LIPH: variants seen among roughly 807,000 people sequenced by gnomAD.
LIPH encodes the protein lipase member H.
LIPH carries 32 observed loss-of-function variants against 47.6 expected under a neutral mutation model. The observed-to-expected ratio is 0.67, with a 90% CI of 0.51 to 0.90. The LOEUF (loss-of-function observed/expected upper bound fraction) is 0.90. Ranked by LOEUF, LIPH falls within the 40% of genes least tolerant of loss-of-function variation. The probability of loss-of-function intolerance (pLI) is 0.00; values close to 1 mark genes in which losing one functional copy is unlikely to be tolerated. For missense variants in LIPH, 497 were observed against 541.4 expected (o/e 0.92, Z 0.81); for synonymous variants, 190 against 195.6 (o/e 0.97, Z 0.24).
At chr3:185,532,987 T>G (rs1336438340) in intron 3 of LIPH, among the ~76,000 whole-genome samples, 1 of 151,994 alleles carries the variant, frequency 6.6e-6, no homozygotes, top group African/African-American at 2.4e-5. Flanking sequence ...AAAGGAGAAA[T>G]GGGAGAGGCT....
intron 8 of LIPH, 111 bp downstream of exon 8, chr3:185,514,298 TA>T: frequency 4.2e-6 from 3 of 711,544 alleles, no homozygotes; most frequent in Non-Finnish European, 7.7e-6. Flanking sequence ...ATATCTTTTA[TA>T]GAACAAGGAA....
intron 9 of LIPH, among the ~76,000 whole-genome samples, chr3:185,511,082 G>A (rs1428739941): frequency 6.6e-6 from 1 of 151,578 alleles, no homozygotes; most frequent in Non-Finnish European, 1.5e-5. Context: ...TTTTTATTTT[G>A]AGATAGAATC....
At chr3:185,536,930 G>T (rs1457785984) in intron 1 of LIPH, among the ~76,000 whole-genome samples, 1 of 152,142 alleles carries the variant, frequency 6.6e-6, no homozygotes, top group Non-Finnish European at 1.5e-5. Context: ...TGTTGCCCAG[G>T]CTGGAGTGCA....
rs1236878436 is a variant in LIPH at position 185,538,915 on chromosome 3, A to T, written c.50-3783T>A. Among the ~76,000 whole-genome samples the T allele has an allele frequency of 3.4e-5, 5 of 146,582 alleles. No individual in the cohort carries two copies. In the East Asian group the frequency reaches 9.8e-4, roughly 29 times the overall value. On this transcript the variant is annotated intron_variant, in intron 1 of 9. Coordinates refer to ENST00000296252, the MANE Select transcript of LIPH (RefSeq NM_139248.3). ...TACGTATATACACATATACACATAT[A>T]TACACATATACACATATATACATAT...
At chr3:185,520,771 T>C (rs917177196) in intron 5 of LIPH, among the ~76,000 whole-genome samples, 5 of 152,016 alleles carry the variant, frequency 3.3e-5, no homozygotes, top group African/African-American at 4.8e-5. Flanking sequence ...ATCAAAATTC[T>C]CCCATTCTTA....
chr3:185,544,380 T>C (rs989588026), intron 1 of LIPH, among the ~76,000 whole-genome samples: 2 of 151,504 alleles, frequency 1.3e-5, no homozygotes, highest in African/African-American at 4.9e-5. Flanking sequence ...TGAGATGGAG[T>C]TTCGCTCTTG....
In LIPH at chr3:185,547,698, C is replaced by G. The variant is rs527665088; in HGVS notation, c.49+4725G>C. Among the ~76,000 whole-genome samples the G allele has an allele frequency of 5.1e-4, 77 of 152,046 alleles. 2 individuals are homozygous for G. The South Asian group carries it at 0.011, about 22-fold the overall frequency. On this transcript the variant is annotated intron_variant, in intron 1 of 9. Coordinates refer to ENST00000296252, the MANE Select transcript of LIPH (RefSeq NM_139248.3). Reference sequence around the variant, plus strand: ...AATTAGCCGGGCATGGTGGCAGGCACCTGTAATCCCCAGTTACTTGGGAGG... The same window carrying G: ...AATTAGCCGGGCATGGTGGCAGGCAGCTGTAATCCCCAGTTACTTGGGAGG...
intron 3 of LIPH, among the ~76,000 whole-genome samples, chr3:185,527,912 C>T (rs1720162396): frequency 6.6e-6 from 1 of 151,078 alleles, no homozygotes; most frequent in Non-Finnish European, 1.5e-5. Flanking sequence ...AGGAAAAAAG[C>T]ACCAAAGGGC....
intron 6 of LIPH, 124 bp from the exon 7 acceptor site, chr3:185,517,286 T>A: frequency 1.5e-6 from 1 of 678,272 alleles, no homozygotes; most frequent in Admixed American, 2.1e-5. Context: ...CCATCCCACC[T>A]CCATCCCCCA....
At chr3:185,516,015 T>G (rs1719719494) in intron 7 of LIPH, among the ~76,000 whole-genome samples, 1 of 152,116 alleles carries the variant, frequency 6.6e-6, no homozygotes, top group South Asian at 2.1e-4. Flanking sequence ...ATGCCCGAAG[T>G]CCCAGCTACT....
At chr3:185,535,237 G>T in intron 1 of LIPH, 105 bp from the exon 2 acceptor site, 1 of 1,341,558 alleles carries the variant, frequency 7.5e-7, no homozygotes, top group Non-Finnish European at 1.1e-6. Flanking sequence ...GTTCCTGATA[G>T]GACCTGGCTA....
At chr3:185,543,683 C>G (rs895366501) in intron 1 of LIPH, among the ~76,000 whole-genome samples, 1 of 152,100 alleles carries the variant, frequency 6.6e-6, no homozygotes, top group African/African-American at 2.4e-5. Flanking sequence ...GAGTTTGAGA[C>G]AGCCTGGGCA....
chr3:185,529,976 A>G (rs78094824), intron 3 of LIPH, among the ~76,000 whole-genome samples: 21,450 of 104,194 alleles, frequency 0.21, 2,270 homozygotes, highest in East Asian at 0.46. Flanking sequence ...GAAAGAAAGA[A>G]AGAGAGAGAG....
At position 185,507,187 on chromosome 3, in the gene LIPH, C is replaced by T. The variant is rs574714486; in HGVS notation, c.*1603G>A. 2.6e-5 allele frequency: 4 copies of T among 151,374 alleles called. No individual in the cohort carries two copies. The highest frequency in any genetic ancestry group is 1.9e-4 in the East Asian group (1 of 5,132). The allele number at this position is 151,374 out of a possible 1,614,324, so 9.4% of individuals were successfully genotyped here. A position where few individuals can be genotyped will look rare whatever the true frequency, so the allele number is the denominator to read the frequency against. ...AGGAGTTCGAGACGAGCCTGGCTAA[C>T]GTGGTGAAACCCTGTCTCTAATAAA... On this transcript the variant is annotated 3_prime_UTR_variant, in exon 10 of 10. Coordinates refer to ENST00000296252, the MANE Select transcript of LIPH (RefSeq NM_139248.3).
chr3:185,529,171 C>G (rs147737411), intron 3 of LIPH, among the ~76,000 whole-genome samples: 1 of 82,206 alleles, frequency 1.2e-5, no homozygotes. Flanking sequence ...AGCGAGACTC[C>G]GTCTCAAAAA....
chr3:185,520,400 C>T (rs1028874902), intron 5 of LIPH, among the ~76,000 whole-genome samples: 1 of 151,828 alleles, frequency 6.6e-6, no homozygotes, highest in Admixed American at 6.6e-5. Context: ...GCCTGTAATC[C>T]CAGCTACTTG....
intron 7 of LIPH, among the ~76,000 whole-genome samples, chr3:185,515,623 C>T (rs1719706900): frequency 6.6e-6 from 1 of 152,130 alleles, no homozygotes; most frequent in Non-Finnish European, 1.5e-5. Flanking sequence ...ATTCTCCAGC[C>T]TCAGCCTTCT....
chr3:185,537,791 G>A (rs750077583), intron 1 of LIPH, among the ~76,000 whole-genome samples: 2 of 152,108 alleles, frequency 1.3e-5, no homozygotes, highest in Non-Finnish European at 2.9e-5. Context: ...CCCAAGAAGA[G>A]GATTGTTTAA....
chr3:185,537,217 T>A (rs1720529271), intron 1 of LIPH, among the ~76,000 whole-genome samples: 1 of 152,168 alleles, frequency 6.6e-6, no homozygotes, highest in Admixed American at 6.6e-5. Flanking sequence ...TTTCTTGGTG[T>A]CTGAAATTTA....
Sources: gnomAD v4.1 joint callset for allele counts (sites outside exome capture counted in the v4.1 genomes callset) on GRCh38, gnomAD v4.1.1 for gene constraint, MANE v1.5 for transcripts, NCBI Gene and HGNC (gene_info 2026-07-23, HGNC 2026-07-21) for gene names.